HS6ST3: variants seen among roughly 807,000 people sequenced by gnomAD.
HS6ST3 encodes heparan-sulfate 6-O-sulfotransferase 3.
HS6ST3 carries 12 observed loss-of-function variants against 36.7 expected under a neutral mutation model. The observed-to-expected ratio is 0.33, with a 90% CI of 0.21 to 0.53. HS6ST3 has a LOEUF of 0.53. Among genes scored for constraint, HS6ST3 ranks in the 20% least tolerant of loss-of-function variants. The pLI, the probability that HS6ST3 is intolerant of heterozygous loss-of-function variation, is 0.95. For missense variants in HS6ST3, 584 were observed against 640.9 expected (o/e 0.91, Z 0.96); for synonymous variants, 240 against 257.5 (o/e 0.93, Z 0.65).
chr13:96,413,701 A>G (rs1002590261), intron 1 of HS6ST3, among the ~76,000 whole-genome samples: 3 of 152,216 alleles, frequency 2.0e-5, no homozygotes, highest in Admixed American at 2.0e-4. Flanking sequence ...TGGACATTTA[A>G]GGCTTGAATG....
chr13:96,484,853 T>G (rs890489730), intron 1 of HS6ST3, among the ~76,000 whole-genome samples: 6 of 152,178 alleles, frequency 3.9e-5, no homozygotes, highest in African/African-American at 1.4e-4. Context: ...TTCCTTTGGA[T>G]GTATGTGAGA....
chr13:96,802,820 T>C (rs1397130560), intron 1 of HS6ST3, among the ~76,000 whole-genome samples: 2 of 152,214 alleles, frequency 1.3e-5, no homozygotes, highest in African/African-American at 4.8e-5. Context: ...ATTCACATTT[T>C]CAGATACTTT....
intron 1 of HS6ST3, among the ~76,000 whole-genome samples, chr13:96,317,753 G>A (rs3886692): frequency 0.5 from 74,790 of 150,086 alleles, 19,451 homozygotes; most frequent in African/African-American, 0.65. Context: ...TGTAATAGCC[G>A]TTCTGACTGG....
intron 1 of HS6ST3, among the ~76,000 whole-genome samples, chr13:96,658,268 C>CTTCTGTTTTTTTTTTTTTTT: frequency 1.3e-5 from 1 of 76,190 alleles, no homozygotes; most frequent in Non-Finnish European, 2.4e-5. Context: ...TCTTCTTCTT[C>CTTCTGTTTTTTTTTTTTTTT]TTTTTTTTTT....
rs1879015392 is a variant in HS6ST3, at chr13:96,839,411, A to G, written c.*6213A>G. The G allele has an allele frequency of 6.6e-6, 1 of 152,218 alleles. No individual in the cohort carries two copies. The highest frequency in any genetic ancestry group is 2.4e-5 in the African/African-American group (1 of 41,446). 9.4% of individuals were successfully genotyped at this position (152,218 alleles called of 1,614,324 possible). A position where few individuals can be genotyped will look rare whatever the true frequency, so the allele number is the denominator to read the frequency against. ...CTTTTATTTCTGTACAATAATATGT[A>G]TGAACTCAGTTACTAGGGGACTGTA... On this transcript the variant is annotated 3_prime_UTR_variant, in exon 2 of 2. Transcript: ENST00000376705.
intron 1 of HS6ST3, among the ~76,000 whole-genome samples, chr13:96,204,518 C>G (rs766802637): frequency 1.1e-4 from 17 of 152,144 alleles, no homozygotes; most frequent in Non-Finnish European, 2.4e-4. Context: ...CTACAGAACT[C>G]TCCACCCAAA....
chr13:96,565,580 A>C (rs966095281), intron 1 of HS6ST3, among the ~76,000 whole-genome samples: 1 of 152,200 alleles, frequency 6.6e-6, no homozygotes, highest in Non-Finnish European at 1.5e-5. Flanking sequence ...CTAAAAGGGA[A>C]TATAAATGAA....
chr13:96,381,264 C>G (rs2139446263), intron 1 of HS6ST3, among the ~76,000 whole-genome samples: 1 of 152,194 alleles, frequency 6.6e-6, no homozygotes, highest in Middle Eastern at 3.4e-3. Flanking sequence ...AATATAAGCC[C>G]AGCTTTGTAT....
intron 1 of HS6ST3, among the ~76,000 whole-genome samples, chr13:96,653,821 A>G (rs942425277): frequency 2.6e-5 from 4 of 152,180 alleles, no homozygotes; most frequent in African/African-American, 9.6e-5. Flanking sequence ...TTACATTCCC[A>G]CCAACAGTGT....
chr13:96,425,744 C>T (rs549340270), intron 1 of HS6ST3, among the ~76,000 whole-genome samples: 9 of 151,934 alleles, frequency 5.9e-5, no homozygotes, highest in Admixed American at 4.6e-4. Flanking sequence ...AACCCCAGAC[C>T]GTCAGCTGAA....
At chr13:96,521,958 G>A (rs982604930) in intron 1 of HS6ST3, among the ~76,000 whole-genome samples, 4 of 151,998 alleles carry the variant, frequency 2.6e-5, no homozygotes, top group South Asian at 2.1e-4. Flanking sequence ...GTCGATTTTC[G>A]ATCTCTCCTG....
chr13:96,120,868 G>A (rs2053922240), intron 1 of HS6ST3, among the ~76,000 whole-genome samples: 2 of 152,200 alleles, frequency 1.3e-5, no homozygotes, highest in Admixed American at 1.3e-4. Context: ...TAAAGGACAT[G>A]TATTACAAAA....
chr13:96,795,950 A>T (rs1206720281), intron 1 of HS6ST3, among the ~76,000 whole-genome samples: 2 of 152,096 alleles, frequency 1.3e-5, no homozygotes, highest in Non-Finnish European at 2.9e-5. Flanking sequence ...TGGTTTCCTG[A>T]TATATCTGTT....
At chr13:96,538,031 T>A (rs1490678192) in intron 1 of HS6ST3, among the ~76,000 whole-genome samples, 1 of 152,200 alleles carries the variant, frequency 6.6e-6, no homozygotes, top group Non-Finnish European at 1.5e-5. Context: ...ATCTTGAAGG[T>A]TATGCTTCAC....
chr13:96,802,809 G>A (rs539338203), intron 1 of HS6ST3, among the ~76,000 whole-genome samples: 1 of 152,254 alleles, frequency 6.6e-6, no homozygotes, highest in African/African-American at 2.4e-5. Flanking sequence ...CTTATTTGTA[G>A]ATTCACATTT....
At chr13:96,326,341 C>A (rs1243678806) in intron 1 of HS6ST3, among the ~76,000 whole-genome samples, 1 of 120,128 alleles carries the variant, frequency 8.3e-6, no homozygotes, top group Non-Finnish European at 1.7e-5. Context: ...CCCCACCCCA[C>A]AACAGGCCCC....
chr13:96,663,133 G>GAGCTCCTGGTGAAATGAGCTGAGGC (rs1220611896), intron 1 of HS6ST3, among the ~76,000 whole-genome samples: 1 of 152,156 alleles, frequency 6.6e-6, no homozygotes, highest in Non-Finnish European at 1.5e-5. Context: ...GTGGCTGGGG[G>GAGCTCCTGGTGAAATGAGCTGAGGC]AGCTCCTGGT....
chr13:96,622,179 A>G (rs2056497368), intron 1 of HS6ST3, among the ~76,000 whole-genome samples: 1 of 152,146 alleles, frequency 6.6e-6, no homozygotes, highest in African/African-American at 2.4e-5. Flanking sequence ...TCCTCTAGGC[A>G]AGAATGGGAT....
At chr13:96,759,991 GT>G (rs556512446) in intron 1 of HS6ST3, among the ~76,000 whole-genome samples, 5 of 150,118 alleles carry the variant, frequency 3.3e-5, no homozygotes, top group Non-Finnish European at 7.4e-5. Context: ...CTTAGGACAT[GT>G]TTTTTTTTGC....
Sources: gnomAD v4.1 joint callset for allele counts (sites outside exome capture counted in the v4.1 genomes callset) on GRCh38, gnomAD v4.1.1 for gene constraint, MANE v1.5 for transcripts, NCBI Gene and HGNC (gene_info 2026-07-23, HGNC 2026-07-21) for gene names.